TTN: variants seen among roughly 807,000 people sequenced by gnomAD.
TTN encodes titin, also known as connectin.
In TTN, 1,525 loss-of-function variants were observed where a neutral mutation model predicts 3,223.0. The ratio of observed to expected loss-of-function variants is 0.47; its 90% CI spans 0.45 to 0.49. The LOEUF (loss-of-function observed/expected upper bound fraction) is 0.49, where lower values mean the gene tolerates loss of function less well. TTN is among the 20% of genes least tolerant of loss of function. The pLI, the probability that TTN is intolerant of heterozygous loss-of-function variation, is 0.00. For synonymous variants in TTN, 14,094 were observed against 15,161.0 expected, an observed-to-expected ratio of 0.93 and a Z score of 5.17; for missense variants, 40,786 against 43,424.0, an observed-to-expected ratio of 0.94 and a Z score of 5.40.
rs142973956 is a variant in TTN at position 178,747,098 on chromosome 2, T to C, written c.11312-5177A>G. On this transcript the variant is annotated intron_variant, in intron 47 of 362. Transcript: ENST00000589042. The stretch of plus-strand genomic sequence containing the variant: ...GGGTGTGGAATATCGCTCTAGAGTC[T>C]CTCCTGGGGGTGTGGAGTATCTCTC... The C allele has an allele frequency of 3.8e-4, 604 of 1,610,036 alleles. No individual in the cohort carries two copies. Among genetic ancestry groups the C allele is most frequent in the Non-Finnish European group, 4.8e-4 (568 of 1,177,744 alleles).
At position 178,565,569 on chromosome 2, in the gene TTN, C is replaced by T; in HGVS notation, c.80563G>A (p.Ala26855Thr). The T allele has an allele frequency of 6.2e-7, 1 of 1,613,602 alleles. No homozygotes were observed. The highest frequency in any genetic ancestry group is 8.5e-7 in the Non-Finnish European group (1 of 1,179,644). Residue 26855 changes from alanine to threonine, a missense_variant, in exon 326 of 363, where the codon GCT (alanine) becomes ACT (threonine). Physicochemically the swap from Ala to Thr is moderately conservative, Grantham distance 58. Coordinates refer to ENST00000589042, the MANE Select transcript of TTN (RefSeq NM_001267550.2). ...TCGCTTTTTCCTTTCTCATTATAAG[C>T]CTTGACACGGAACTGATATTCTTGT... is the stretch of plus-strand genomic sequence containing the variant. ...SGQEYQFRVK[A>T]YNEKGKSDPR...
Position 178,718,849 on chromosome 2 carries a change from T to A in TTN, c.24351A>T (p.Glu8117Asp). The part of the protein sequence containing the change: ...FKVKWFKGSR[E>D]LVPGESCNIS... The stretch of plus-strand genomic sequence containing the variant: ...TGTTGCATGACTCCCCAGGCACCAG[T>A]TCCCTGCTGCCTTTAAACCACTTGA... The change falls in exon 84 of 363, where the codon GAA (glutamate) becomes GAT (aspartate). Residue 8117 changes from glutamate (E) to aspartate (D), a missense_variant. Glu to Asp is a conservative substitution (Grantham distance 45). Transcript: ENST00000589042. 6.2e-7 allele frequency: 1 copy of A among 1,613,690 alleles called. No individual in the cohort carries two copies. The highest frequency in any genetic ancestry group is 1.1e-5 in the South Asian group (1 of 91,074).
intron 320 of TTN, 21 bp from the exon 321 acceptor site, chr2:178,578,736 C>T: frequency 6.2e-7 from 1 of 1,605,008 alleles, no homozygotes; most frequent in Non-Finnish European, 8.5e-7. Context: ...GTAGATAATG[C>T]AAGATTTATA....
In TTN at chr2:178,542,948, C is replaced by T. The variant is rs200276343; in HGVS notation, c.96906G>A (p.Val32302=). The part of the protein sequence containing the change: ...VTAVTVQDLR[V]LPTIDLSTMP... ...TTGTAGAAAGATCGATTGTTGGCAA[C>T]ACTATGGGAAAGAAATCAGGCATTT... The change falls in exon 348 of 363, where the codon GTG becomes GTA. Residue 32302 remains valine, a splice_region_variant and synonymous_variant. Transcript: ENST00000589042. The T allele has an allele frequency of 6.1e-5, 97 of 1,586,334 alleles. No homozygotes were observed. Among genetic ancestry groups the T allele is most frequent in the Non-Finnish European group, 7.7e-5 (90 of 1,164,914 alleles).
intron 282 of TTN, among the ~76,000 whole-genome samples, chr2:178,603,445 CTT>C (rs1490346428): frequency 1.3e-5 from 2 of 151,896 alleles, no homozygotes; most frequent in African/African-American, 2.4e-5. Flanking sequence ...AATCCTAAAT[CTT>C]TGTTCAATAA....
rs1277680454 is a variant in TTN at position 178,589,136 on chromosome 2, A to G, written c.62589T>C (p.Asp20863=). Residue 20863 remains aspartate (D), a synonymous_variant, in exon 304 of 363, where the codon GAT becomes GAC. Coordinates refer to ENST00000589042, the MANE Select transcript of TTN (RefSeq NM_001267550.2). ...FVAYATVNVL[D]KPGPVRNLKI... ...TCAGATTTCTCACAGGACCAGGCTT[A>G]TCTAAAACATTGACAGTGGCATAGG... 2.5e-6 allele frequency: 4 copies of G among 1,613,126 alleles called. No homozygotes were observed. The South Asian group carries it at 3.3e-5, about 13-fold the overall frequency.
Position 178,739,802 on chromosome 2 carries a change from C to T in TTN, c.13431G>A (p.Leu4477=). Residue 4477 remains leucine (L), a synonymous_variant, in exon 48 of 363, where the codon TTG becomes TTA. Coordinates refer to ENST00000589042, the MANE Select transcript of TTN (RefSeq NM_001267550.2). ...ANLKMELRDA[L]CAIIYEEIDI... ...CTATTTCCTCATATATAATAGCACACAAAGCATCCCTAAGTTCCATTTTCA... is the reference window on the plus strand; with the variant it reads ...CTATTTCCTCATATATAATAGCACATAAAGCATCCCTAAGTTCCATTTTCA... 1.2e-6 allele frequency: 2 copies of T among 1,613,844 alleles called. No homozygotes were observed. The highest frequency in any genetic ancestry group is 1.7e-6 in the Non-Finnish European group (2 of 1,179,820).
At position 178,526,525 on chromosome 2, in the gene TTN, A is replaced by G. The variant is rs990300006; in HGVS notation, c.*487T>C. The G allele has an allele frequency of 1.3e-5, 2 of 152,886 alleles. No homozygotes were observed. Among genetic ancestry groups the G allele is most frequent in the African/African-American group, 4.8e-5 (2 of 41,466 alleles). The allele number at this position is 152,886 out of a possible 1,614,324, so 9.5% of individuals were successfully genotyped here. A position where few individuals can be genotyped will look rare whatever the true frequency, so the allele number is the denominator to read the frequency against. ...AATGCAAACATCACCAATGCCTTAC[A>G]TTTCTGATTCAGTAGGTATTGGTGC... On this transcript the variant is annotated 3_prime_UTR_variant, in exon 363 of 363. Transcript: ENST00000589042.
Position 178,671,101 on chromosome 2 carries a change from G to A in TTN, c.35297C>T (p.Pro11766Leu). ...CACAAAGAAGATACCTTTAGCTGGT[G>A]GCTCTTTTCGAGGAACAACTTTAGT... is the stretch of plus-strand genomic sequence containing the variant. ...PPTKVVPRKE[P>L]PAKVPEVPKK... Residue 11766 changes from proline (P) to leucine (L), a missense_variant, in exon 156 of 363, where the codon CCA (proline) becomes CTA (leucine). Coordinates refer to ENST00000589042, the MANE Select transcript of TTN (RefSeq NM_001267550.2). 6.2e-7 allele frequency: 1 copy of A among 1,605,732 alleles called. No individual in the cohort carries two copies. Among genetic ancestry groups the A allele is most frequent in the Non-Finnish European group, 8.5e-7 (1 of 1,176,266 alleles).
At position 178,564,850 on chromosome 2, in the gene TTN, A is replaced by C. The variant is rs556790419; in HGVS notation, c.81282T>G (p.His27094Gln). ...TGGTGCCTCCATCATTCACTGGCTCATGCCATTGCACAAGCATCTGATCTT... is the reference window on the plus strand; with the variant it reads ...TGGTGCCTCCATCATTCACTGGCTCCTGCCATTGCACAAGCATCTGATCTT... ...ISKDQMLVQW[H>Q]EPVNDGGTKI... The change falls in exon 326 of 363, where the codon CAT becomes CAG. Residue 27094 changes from histidine (H) to glutamine (Q), a missense_variant. Physicochemically the swap from His to Gln is conservative, Grantham distance 24. Coordinates refer to ENST00000589042, the MANE Select transcript of TTN (RefSeq NM_001267550.2). The C allele has an allele frequency of 6.1e-5, 99 of 1,613,290 alleles. No homozygotes were observed. The South Asian group carries it at 1.0e-3, about 16-fold the overall frequency.
chr2:178,736,163 T>A (rs1346641149), intron 49 of TTN, 89 bp from the exon 50 acceptor site: 1 of 1,215,028 alleles, frequency 8.2e-7, no homozygotes, highest in Non-Finnish European at 1.1e-6. Context: ...AAAGATGAGT[T>A]AAGTCTTTAG....
At position 178,599,851 on chromosome 2, in the gene TTN, C is replaced by T. The variant is rs1385817640; in HGVS notation, c.56051-1G>A. 1 of 1,546,782 alleles carries T rather than the reference C, an allele frequency of 6.5e-7. No individual in the cohort carries two copies. Among genetic ancestry groups the T allele is most frequent in the African/African-American group, 1.4e-5 (1 of 71,712 alleles). The stretch of plus-strand genomic sequence containing the variant: ...TCTTTTAGATCAATTGATGGTGGGC[C>T]TAGATTATTTAAAAAAAGTTGTCAT... On this transcript the variant is annotated splice_acceptor_variant, in intron 288 of 362. Coordinates refer to ENST00000589042, the MANE Select transcript of TTN (RefSeq NM_001267550.2). LOFTEE classifies it high-confidence loss of function.
intron 202 of TTN, 33 bp downstream of exon 202, chr2:178,652,425 G>C (rs2063191897): frequency 2.5e-6 from 4 of 1,612,922 alleles, no homozygotes; most frequent in South Asian, 2.2e-5. Flanking sequence ...AGAAGAGTTT[G>C]ATCATCTGAA....
chr2:178,674,928 T>A (rs2067711715), intron 150 of TTN, 111 bp downstream of exon 150: 1 of 545,926 alleles, frequency 1.8e-6, no homozygotes, highest in Non-Finnish European at 3.0e-6. Flanking sequence ...TATTTTAGAA[T>A]CTGAATATGT....
chr2:178,591,949 T>C (rs766095012), intron 302 of TTN, 29 bp downstream of exon 302: 3 of 1,606,346 alleles, frequency 1.9e-6, no homozygotes, highest in Admixed American at 1.7e-5. Context: ...AGTCAAACAA[T>C]AGTTTTGTAT....
At chr2:178,774,673 G>C (rs1479653171) in intron 29 of TTN, 200 bp from the exon 30 acceptor site, 2 of 694,452 alleles carry the variant, frequency 2.9e-6, no homozygotes, top group East Asian at 5.6e-5. Context: ...ATTTTTGAAA[G>C]TAAAGAATTA....
chr2:178,608,397 C>G lies in TTN; in HGVS notation c.52486G>C (p.Asp17496His). Residue 17496 changes from aspartate to histidine, a missense_variant, in exon 275 of 363, where the codon GAT (aspartate) becomes CAT (histidine). Asp to His is a moderately conservative substitution (Grantham distance 81). Transcript: ENST00000589042. ...TAACCCAAAATGGGGCTTCCATTAT[C>G]TTTTGGTTCATTCCATTTCACTAGC... ...SMLVKWNEPK[D>H]NGSPILGYWL... 1.2e-6 allele frequency: 2 copies of G among 1,610,486 alleles called. No individual in the cohort carries two copies. Among genetic ancestry groups the G allele is most frequent in the Non-Finnish European group, 1.7e-6 (2 of 1,178,224 alleles).
intron 43 of TTN, chr2:178,760,915 G>A (rs756704772): frequency 7.3e-5 from 11 of 150,926 alleles, no homozygotes; most frequent in East Asian, 2.0e-4. Context: ...CTCTTACAAG[G>A]TTCTCTGCTT....
rs2154172827 is a variant in TTN at position 178,576,205 on chromosome 2, T to TTTAG, written c.69923_69926dup (p.Lys23309AsnfsTer2). On this transcript the variant is annotated stop_gained and frameshift_variant, in exon 326 of 363. Transcript: ENST00000589042. LOFTEE classifies it high-confidence loss of function. This position sits in a 1 kb window ranked among gnomAD's most constrained non-coding sequence, Gnocchi z 4.3. ...CACTGATTCTGAAGTTGTATTTTTC[T>TTTAG]TTAGTCTGAAGATCAGGAACAACGA... The TTTAG allele has an allele frequency of 6.2e-7, 1 of 1,613,038 alleles. No individual in the cohort carries two copies. Among genetic ancestry groups the TTTAG allele is most frequent in the Non-Finnish European group, 8.5e-7 (1 of 1,179,390 alleles).
Sources: allele counts gnomAD v4.1 joint callset (sites outside exome capture counted in the v4.1 genomes callset), GRCh38; gene constraint gnomAD v4.1.1; non-coding constraint Gnocchi (gnomAD v3.1); transcripts MANE v1.5; gene names NCBI Gene and HGNC (gene_info 2026-07-23, HGNC 2026-07-21).